HOMER1: variants seen among roughly 807,000 people sequenced by gnomAD.
HOMER1 encodes homer protein homolog 1.
Under a neutral mutation model 48.9 loss-of-function variants are expected in HOMER1, and 3 were observed. That is an observed-to-expected ratio of 0.06 (90% CI 0.03 to 0.16). The LOEUF (loss-of-function observed/expected upper bound fraction) is 0.16, where lower values mean the gene tolerates loss of function less well. HOMER1 is among the 10% of genes least tolerant of loss of function. HOMER1 has a pLI of 1.00. For synonymous variants in HOMER1, 134 were observed against 146.4 expected (o/e 0.92, Z 0.61); for missense variants, 247 against 411.4 (o/e 0.60, Z 3.46).
At chr5:79,416,510 A>G (rs929063841) in intron 5 of HOMER1, among the ~76,000 whole-genome samples, 7 of 152,218 alleles carry the variant, frequency 4.6e-5, no homozygotes, top group Non-Finnish European at 1.0e-4. Context: ...GGAGAGTCCC[A>G]TAAGAGGGCC....
chr5:79,503,671 T>A (rs1752669703), intron 1 of HOMER1, among the ~76,000 whole-genome samples: 2 of 149,182 alleles, frequency 1.3e-5, no homozygotes, highest in African/African-American at 4.9e-5. Context: ...CAAAACCCCG[T>A]CTCTATTAAA....
At chr5:79,383,572 G>A (rs539274687) in intron 8 of HOMER1, among the ~76,000 whole-genome samples, 1 of 152,134 alleles carries the variant, frequency 6.6e-6, no homozygotes, top group African/African-American at 2.4e-5. Flanking sequence ...TTTTAGTAGA[G>A]ACAGAGTTTC....
In HOMER1 at chr5:79,512,870, C is replaced by T. The variant is rs1752979678; in HGVS notation, c.-96G>A. 5 of 1,070,616 alleles carry T rather than the reference C, an allele frequency of 4.7e-6. No homozygotes were observed. The highest frequency in any genetic ancestry group is 3.1e-5 in the African/African-American group (2 of 64,116). The allele number at this position is 1,070,616 out of a possible 1,614,324, so 66.3% of individuals were successfully genotyped here. ...CGTCTGCTATTTCGCAGTTGCTTTT[C>T]CACCCCCACCCCCAGATCCTTGTCC... On this transcript the variant is annotated 5_prime_UTR_variant, in exon 1 of 9. Transcript: ENST00000334082.
At chr5:79,481,381 G>A (rs922190496) in intron 1 of HOMER1, among the ~76,000 whole-genome samples, 21 of 152,154 alleles carry the variant, frequency 1.4e-4, no homozygotes, top group African/African-American at 5.1e-4. Context: ...TGAGAGGCAG[G>A]AAACAACCTT....
chr5:79,483,689 T>G (rs1004227478), intron 1 of HOMER1, among the ~76,000 whole-genome samples: 9 of 150,964 alleles, frequency 6.0e-5, no homozygotes, highest in Middle Eastern at 3.2e-3. Flanking sequence ...GGGGTAAATA[T>G]GCAGGTAAAT....
At chr5:79,509,344 G>A (rs1214733818) in intron 1 of HOMER1, among the ~76,000 whole-genome samples, 1 of 152,174 alleles carries the variant, frequency 6.6e-6, no homozygotes, top group Non-Finnish European at 1.5e-5. Context: ...CTTTACCATT[G>A]CTGATGGCAC....
intron 8 of HOMER1, among the ~76,000 whole-genome samples, chr5:79,389,645 C>T (rs1247994538): frequency 6.6e-6 from 1 of 152,148 alleles, no homozygotes; most frequent in African/African-American, 2.4e-5. Flanking sequence ...AGCAACAAGG[C>T]AACATCTTGG....
chr5:79,463,411 G>A lies in HOMER1; in HGVS notation c.6-6393C>T, dbSNP rs146247123. Among the ~76,000 whole-genome samples, 774 of 152,264 alleles carry A rather than the reference G, an allele frequency of 5.1e-3. 3 individuals carry two copies. Among genetic ancestry groups the A allele is most frequent in the African/African-American group, 0.018 (738 of 41,550 alleles). ...ATCAGGACCTAAAGAAACCCTTAGT[G>A]CTGTGAGGGGCGCATACCTGAGACC... On this transcript the variant is annotated intron_variant, in intron 1 of 8. Coordinates refer to ENST00000334082, the MANE Select transcript of HOMER1 (RefSeq NM_004272.5).
chr5:79,507,857 A>G (rs1695951224), intron 1 of HOMER1, among the ~76,000 whole-genome samples: 1 of 152,202 alleles, frequency 6.6e-6, no homozygotes, highest in South Asian at 2.1e-4. Context: ...CAAATTCACT[A>G]TTTTATGACC....
intron 1 of HOMER1, among the ~76,000 whole-genome samples, chr5:79,485,387 T>A (rs1416052153): frequency 6.6e-6 from 1 of 152,182 alleles, no homozygotes; most frequent in Non-Finnish European, 1.5e-5. Flanking sequence ...TTTTTACATA[T>A]GTTTTTCTTC....
chr5:79,429,417 G>A (rs904205846), intron 5 of HOMER1, among the ~76,000 whole-genome samples: 4 of 152,212 alleles, frequency 2.6e-5, no homozygotes, highest in Admixed American at 2.0e-4. Flanking sequence ...TGAGACCAAT[G>A]GGACATAATT....
intron 1 of HOMER1, among the ~76,000 whole-genome samples, chr5:79,487,338 T>C (rs1037520233): frequency 1.3e-5 from 2 of 152,118 alleles, no homozygotes; most frequent in Non-Finnish European, 2.9e-5. Flanking sequence ...CTAATAACAC[T>C]GAACTCCATG....
At chr5:79,399,918 A>C (rs1371080817) in intron 6 of HOMER1, among the ~76,000 whole-genome samples, 3 of 152,180 alleles carry the variant, frequency 2.0e-5, no homozygotes, top group Non-Finnish European at 4.4e-5. Flanking sequence ...TACAGGAAAG[A>C]AGCACAATGG....
chr5:79,424,735 C>T (rs925770426), intron 5 of HOMER1, among the ~76,000 whole-genome samples: 2 of 151,990 alleles, frequency 1.3e-5, no homozygotes, highest in Admixed American at 1.3e-4. Context: ...GAAATGGCAT[C>T]TATGAGTCAG....
At chr5:79,386,670 G>A (rs186460270) in intron 8 of HOMER1, among the ~76,000 whole-genome samples, 16 of 152,078 alleles carry the variant, frequency 1.1e-4, no homozygotes, top group African/African-American at 2.9e-4. Context: ...TGAATACCTC[G>A]AACACCCTGA....
At position 79,484,985 on chromosome 5, in the gene HOMER1, C is replaced by T. The variant is rs533544729; in HGVS notation, c.5+27785G>A. On this transcript the variant is annotated intron_variant, in intron 1 of 8. Coordinates refer to ENST00000334082, the MANE Select transcript of HOMER1 (RefSeq NM_004272.5). ...GCTGTTCTCTTTGCTATTATCTATACCTCACTTCCGAAAGTCTATTCTCTT... is the reference window on the plus strand; with the variant it reads ...GCTGTTCTCTTTGCTATTATCTATATCTCACTTCCGAAAGTCTATTCTCTT... Among the ~76,000 whole-genome samples the T allele has an allele frequency of 2.0e-5, 3 of 152,286 alleles. No homozygotes were observed. The East Asian group carries it at 5.8e-4, about 29-fold the overall frequency.
At chr5:79,487,777 A>G (rs748581040) in intron 1 of HOMER1, among the ~76,000 whole-genome samples, 2 of 152,230 alleles carry the variant, frequency 1.3e-5, no homozygotes, top group Admixed American at 1.3e-4. Context: ...ATATTAAGGA[A>G]TTATTAAGTG....
chr5:79,436,484 T>C (rs1338552741), intron 5 of HOMER1, among the ~76,000 whole-genome samples: 1 of 152,178 alleles, frequency 6.6e-6, no homozygotes, highest in Non-Finnish European at 1.5e-5. Flanking sequence ...TCACCTAACC[T>C]CTGGGATTTA....
intron 1 of HOMER1, among the ~76,000 whole-genome samples, chr5:79,505,626 C>T (rs1752745680): frequency 6.6e-6 from 1 of 152,038 alleles, no homozygotes; most frequent in Non-Finnish European, 1.5e-5. Context: ...ATAAGATGTT[C>T]GTAAAGCCAA....
Sources: allele counts gnomAD v4.1 joint callset (sites outside exome capture counted in the v4.1 genomes callset), GRCh38; gene constraint gnomAD v4.1.1; transcripts MANE v1.5; gene names NCBI Gene and HGNC (gene_info 2026-07-23, HGNC 2026-07-21).